PACRG: variants seen among roughly 807,000 people sequenced by gnomAD.
PACRG encodes the protein parkin coregulated gene protein.
A neutral mutation model predicts 29.7 loss-of-function variants in PACRG; 29 were observed. The observed-to-expected ratio is 0.98, with a 90% confidence interval of 0.73 to 1.33. PACRG has a LOEUF of 1.33. PACRG is among the 40% of genes most tolerant of loss of function. PACRG has a pLI of 0.00. For synonymous variants in PACRG, 116 were observed against 118.7 expected (o/e 0.98, Z 0.15); for missense variants, 279 against 316.2 (o/e 0.88, Z 0.89).
In PACRG at chr6:163,079,634, C is replaced by T. The variant is rs553641380; in HGVS notation, c.464-9625C>T. On this transcript the variant is annotated intron_variant, in intron 3 of 4. Transcript: ENST00000366888. ...CAACTACTATTTTCCTAGGAGCTCC[C>T]GAATCACCTGCTTAAATAATCAGTC... 1.6e-4 allele frequency among the ~76,000 whole-genome samples: 25 copies of T among 152,190 alleles called. No individual in the cohort carries two copies. In the East Asian group the frequency reaches 3.1e-3, roughly 19 times the overall value.
chr6:163,024,573 C>T (rs942597781), intron 2 of PACRG, among the ~76,000 whole-genome samples: 3 of 152,144 alleles, frequency 2.0e-5, no homozygotes, highest in Admixed American at 2.0e-4. Context: ...TTCTTGGTTC[C>T]ATATGAATTT....
Position 162,777,740 on chromosome 6 carries a change from TC to T in PACRG, c.157-36406del, listed in dbSNP as rs1783759742. Among the ~76,000 whole-genome samples the T allele has an allele frequency of 1.3e-5, 2 of 152,190 alleles. No homozygotes were observed. Among genetic ancestry groups the T allele is most frequent in the African/African-American group, 4.8e-5 (2 of 41,440 alleles). Reference sequence around the variant, plus strand: ...TTTAATATTAACATATTCTGGAGCATCTTAAGGAAGACAGCCTTATAACTGA... The same window carrying T: ...TTTAATATTAACATATTCTGGAGCATTTAAGGAAGACAGCCTTATAACTGA... On this transcript the variant is annotated intron_variant, in intron 1 of 4. Coordinates refer to ENST00000366888, the MANE Select transcript of PACRG (RefSeq NM_001080379.2). This position sits in a 1 kb window ranked among gnomAD's most constrained non-coding sequence, Gnocchi z 4.0.
At chr6:163,276,791 G>A (rs1467192157) in intron 4 of PACRG, among the ~76,000 whole-genome samples, 1 of 152,066 alleles carries the variant, frequency 6.6e-6, no homozygotes, top group Non-Finnish European at 1.5e-5. Flanking sequence ...TGAAGAACAG[G>A]CCCTCACCAG....
At chr6:162,727,845 T>C, upstream of PACRG, 1 of 639,232 alleles carries the variant, frequency 1.6e-6, no homozygotes, top group Non-Finnish European at 2.7e-6. Context: ...CTGGGAGTCG[T>C]AGTTCTAACG....
At chr6:163,231,873 A>G (rs1782057738) in intron 4 of PACRG, among the ~76,000 whole-genome samples, 1 of 152,230 alleles carries the variant, frequency 6.6e-6, no homozygotes, top group African/African-American at 2.4e-5. Context: ...CTCACCCAAG[A>G]ATGCTGAGCA....
intron 1 of PACRG, among the ~76,000 whole-genome samples, chr6:162,731,093 T>C (rs1312636170): frequency 2.0e-5 from 3 of 152,206 alleles, no homozygotes; most frequent in Admixed American, 2.0e-4. Context: ...ATAGATGCTT[T>C]ATGCTCAAAG....
At position 162,747,354 on chromosome 6, in the gene PACRG, A is replaced by ATG. The variant is rs1562556273; in HGVS notation, c.156+18964_156+18965insGT. Among the ~76,000 whole-genome samples the ATG allele has an allele frequency of 4.1e-5, 3 of 72,306 alleles. 1 individual carries two copies. The highest frequency in any genetic ancestry group is 2.6e-4 in the African/African-American group (3 of 11,576). 47.4% of individuals were successfully genotyped at this position (72,306 alleles called of 152,430 possible). On this transcript the variant is annotated intron_variant, in intron 1 of 4. Transcript: ENST00000366888. Reference sequence around the variant, plus strand: ...TATATATATATATATATATATATATATATATATATACACATACATATATAT... The same window carrying ATG: ...TATATATATATATATATATATATATATGTATATATATACACATACATATATAT...
chr6:162,908,996 C>T (rs1358337830), intron 2 of PACRG, among the ~76,000 whole-genome samples: 2 of 152,186 alleles, frequency 1.3e-5, no homozygotes, highest in Non-Finnish European at 1.5e-5. Flanking sequence ...AAATGCTACT[C>T]TTCTCTCAAG....
chr6:162,805,345 A>G (rs987231090), intron 1 of PACRG, among the ~76,000 whole-genome samples: 17 of 152,196 alleles, frequency 1.1e-4, no homozygotes, highest in African/African-American at 3.6e-4. Flanking sequence ...TCTAAAAACA[A>G]TGAGCCTACC....
At chr6:162,838,391 C>G (rs965000325) in intron 2 of PACRG, among the ~76,000 whole-genome samples, 4 of 152,016 alleles carry the variant, frequency 2.6e-5, no homozygotes, top group Admixed American at 6.6e-5. Context: ...TTATGAGGGA[C>G]GTTTATGGTC....
At chr6:162,772,098 G>A in intron 1 of PACRG, among the ~76,000 whole-genome samples, 1 of 152,164 alleles carries the variant, frequency 6.6e-6, no homozygotes, top group East Asian at 1.9e-4. Flanking sequence ...CAAAGAGGGA[G>A]AAAACAGAAA....
At chr6:163,089,438 T>C (rs1813894728) in intron 4 of PACRG, 30 bp downstream of exon 4, 7 of 1,605,680 alleles carry the variant, frequency 4.4e-6, no homozygotes, top group South Asian at 3.3e-5. Flanking sequence ...AAAATGTCTT[T>C]TAAGCCAAAG....
At chr6:163,222,516 G>C (rs1224751755) in intron 4 of PACRG, among the ~76,000 whole-genome samples, 1 of 152,234 alleles carries the variant, frequency 6.6e-6, no homozygotes, top group Non-Finnish European at 1.5e-5. Flanking sequence ...GAAGGCGGAG[G>C]TTGCGGTGAG....
rs115449196 is a variant in PACRG, at chr6:163,134,207, T to C, written c.613+44799T>C. 1.0e-2 allele frequency among the ~76,000 whole-genome samples: 1,519 copies of C among 152,098 alleles called. 25 individuals carry two copies. Among genetic ancestry groups the C allele is most frequent in the African/African-American group, 0.035 (1,459 of 41,476 alleles). On this transcript the variant is annotated intron_variant, in intron 4 of 4. Transcript: ENST00000366888. ...GGCTCCAACAAGAAAAGCACAGGAG[T>C]AAGAAAGGATATGATAGGGTTCATT...
At chr6:163,140,737 A>G (rs950540130) in intron 4 of PACRG, among the ~76,000 whole-genome samples, 18 of 152,248 alleles carry the variant, frequency 1.2e-4, no homozygotes, top group African/African-American at 4.3e-4. Flanking sequence ...CTATAACAGC[A>G]TGAGAGGTCC....
chr6:162,727,819 C>T (rs985799098), upstream of PACRG: 23 of 792,072 alleles, frequency 2.9e-5, no homozygotes, highest in East Asian at 5.9e-4. Context: ...GCGCGGAGGG[C>T]GCGGCCCAGG....
rs1791136668 is a variant in PACRG at position 162,853,881 on chromosome 6, T to C, written c.291+39600T>C. Among the ~76,000 whole-genome samples the C allele has an allele frequency of 6.6e-6, 1 of 152,340 alleles. No homozygotes were observed. The highest frequency in any genetic ancestry group is 2.1e-4 in the South Asian group (1 of 4,830). ...TACCTCATAGGGTTGTCATTTATTA[T>C]AAAGATGAAATAAGACCATATATTC... On this transcript the variant is annotated intron_variant, in intron 2 of 4. Transcript: ENST00000366888. This position sits in a 1 kb window ranked among gnomAD's most constrained non-coding sequence, Gnocchi z 4.7.
intron 4 of PACRG, among the ~76,000 whole-genome samples, chr6:163,193,210 C>T (rs561186485): frequency 7.2e-5 from 11 of 152,144 alleles, no homozygotes; most frequent in East Asian, 3.9e-4. Flanking sequence ...TAATGTGCCA[C>T]GTTATATTTT....
chr6:163,012,680 A>G (rs9458712), intron 2 of PACRG, among the ~76,000 whole-genome samples: 4,106 of 152,328 alleles, frequency 0.027, 79 homozygotes, highest in Middle Eastern at 0.061. Context: ...TTTACACCCT[A>G]TAATGTTCTA....
Sources: gnomAD v4.1 joint callset for allele counts (sites outside exome capture counted in the v4.1 genomes callset) on GRCh38, gnomAD v4.1.1 for gene constraint, Gnocchi (gnomAD v3.1) non-coding constraint, MANE v1.5 for transcripts, NCBI Gene and HGNC (gene_info 2026-07-23, HGNC 2026-07-21) for gene names.